The following TAF6L variants were observed in gnomAD, a reference collection of about 807,000 sequenced individuals.
TAF6L encodes TAF6-like RNA polymerase II p300/CBP-associated factor-associated factor 65 kDa subunit 6L.
TAF6L carries 34 observed loss-of-function variants against 57.3 expected under a neutral mutation model. The observed-to-expected ratio is 0.59, with a 90% CI of 0.45 to 0.79. TAF6L has a LOEUF of 0.79. Ranked by LOEUF, TAF6L falls within the 30% of genes least tolerant of loss-of-function variation. TAF6L has a pLI of 0.00. For missense variants in TAF6L, 782 were observed against 853.2 expected, an observed-to-expected ratio of 0.92 and a Z score of 1.04; for synonymous variants, 417 against 376.3, an observed-to-expected ratio of 1.11 and a Z score of -1.25.
At chr11:62,777,393 A>G (rs1166668143) in intron 3 of TAF6L, among the ~76,000 whole-genome samples, 3 of 152,226 alleles carry the variant, frequency 2.0e-5, no homozygotes, top group Non-Finnish European at 4.4e-5. Flanking sequence ...TAGCAACAGC[A>G]GACCAGGTGC....
chr11:62,782,350 A>AT lies in TAF6L; in HGVS notation c.827+17_827+18insT, dbSNP rs774340937. On this transcript the variant is annotated intron_variant, in intron 8 of 10. Transcript: ENST00000294168. ...CATCTTCTGGTAGCCACTGGGCCTA[A>AT]ACCTGCGGGTGGGATTGCTGCAGAG... 78 of 1,610,738 alleles carry AT rather than the reference A, an allele frequency of 4.8e-5. No individual in the cohort carries two copies. Among genetic ancestry groups the AT allele is most frequent in the Admixed American group, 1.7e-5 (1 of 59,832 alleles).
At chr11:62,779,976 A>ATATATATATATATATATATTTTTTTTTT (rs1294367864) in intron 6 of TAF6L, among the ~76,000 whole-genome samples, 1 of 52,630 alleles carries the variant, frequency 1.9e-5, no homozygotes, top group African/African-American at 7.7e-5. Context: ...ATATATATAT[A>ATATATATATATATATATATTTTTTTTTT]TTTTTTTTTT....
rs2084274884 is a variant in TAF6L, at chr11:62,786,309, T to C, written c.1010T>C (p.Leu337Ser). Residue 337 changes from leucine to serine, a missense_variant, in exon 10 of 11, where the codon TTG (leucine) becomes TCG (serine). By Grantham distance (145) the Leu-to-Ser change is moderately radical. Around this residue, in one of 3 missense-constraint regions of TAF6L, gnomAD observed 483 missense variants for 445.1 expected, o/e 1.09. Coordinates refer to ENST00000294168, the MANE Select transcript of TAF6L (RefSeq NM_006473.4). Reference protein sequence around the residue: ...YPHLSTYWTNLQAVLDDYSVS... With the variant: ...YPHLSTYWTNSQAVLDDYSVS... ...CACCTGTCCACCTACTGGACAAACT[T>C]GCAGGCTGTGCTGGATGATTATTCA... 6.2e-7 allele frequency: 1 copy of C among 1,614,004 alleles called. No homozygotes were observed.
rs532014327 is a variant in TAF6L at position 62,786,599 on chromosome 11, G to T, written c.1172G>T (p.Arg391Leu). ...GGCCCAGGTGGCAGGGGGTGCCGGC[G>T]CCTGGACGACCTGCCATGGGACAGC... ...RGGPGGRGCR[R>L]LDDLPWDSLL... is the part of the protein sequence containing the mutation. Residue 391 changes from arginine (R) to leucine (L), a missense_variant, in exon 11 of 11, where the codon CGC becomes CTC. Around this residue, in one of 3 missense-constraint regions of TAF6L, gnomAD observed 483 missense variants for 445.1 expected, o/e 1.09. Coordinates refer to ENST00000294168, the MANE Select transcript of TAF6L (RefSeq NM_006473.4). The T allele has an allele frequency of 8.2e-6, 13 of 1,583,032 alleles. No homozygotes were observed. The African/African-American group carries it at 1.5e-4, about 18-fold the overall frequency.
At chr11:62,781,720 T>C in intron 6 of TAF6L, 174 bp from the exon 7 acceptor site, 2 of 624,306 alleles carry the variant, frequency 3.2e-6, no homozygotes, top group East Asian at 3.0e-5. Context: ...TGCAGGTATA[T>C]GTGAATGAGT....
At chr11:62,777,880 C>G in intron 3 of TAF6L, 98 bp from the exon 4 acceptor site, 6 of 1,406,352 alleles carry the variant, frequency 4.3e-6, no homozygotes, top group Non-Finnish European at 5.8e-6. Context: ...TTCCTTCAAA[C>G]GTGGGCTCTC....
intron 9 of TAF6L, among the ~76,000 whole-genome samples, chr11:62,785,229 T>C (rs2134724504): frequency 6.6e-6 from 1 of 151,890 alleles, no homozygotes; most frequent in Non-Finnish European, 1.5e-5. Flanking sequence ...TCTCACACTG[T>C]CACCCAGGCT....
rs1180529493 is a variant in TAF6L at position 62,779,057 on chromosome 11, G to A, written c.531+94G>A. The A allele has an allele frequency of 2.6e-5, 28 of 1,088,012 alleles. No homozygotes were observed. In the Admixed American group the frequency reaches 5.7e-4, roughly 22 times the overall value. 67.4% of individuals were successfully genotyped at this position (1,088,012 alleles called of 1,614,324 possible). A position where few individuals can be genotyped will look rare whatever the true frequency, so the allele number is the denominator to read the frequency against. ...TTTTTTGAGACAGAGTTTCGCTCTT[G>A]TTGCCCAGGCTGGAGTGCAATGGCA... On this transcript the variant is annotated intron_variant, in intron 6 of 10. Coordinates refer to ENST00000294168, the MANE Select transcript of TAF6L (RefSeq NM_006473.4).
intron 6 of TAF6L, among the ~76,000 whole-genome samples, chr11:62,780,910 C>T (rs2084224240): frequency 7.1e-6 from 1 of 141,276 alleles, no homozygotes; most frequent in South Asian, 2.2e-4. Context: ...GCACTCCAGC[C>T]TGGGCAATAG....
intron 9 of TAF6L, among the ~76,000 whole-genome samples, 179 bp downstream of exon 9, chr11:62,783,004 G>A (rs765001679): frequency 3.9e-5 from 6 of 152,152 alleles, no homozygotes; most frequent in African/African-American, 7.2e-5. Flanking sequence ...TTATCCTTTC[G>A]AAAGTCCTAT....
chr11:62,780,109 A>G (rs1159211148), intron 6 of TAF6L, among the ~76,000 whole-genome samples: 1 of 150,048 alleles, frequency 6.7e-6, no homozygotes, highest in Admixed American at 6.6e-5. Context: ...ACTTGAAGTC[A>G]GGAGTTCGAG....
intron 1 of TAF6L, chr11:62,772,159 AT>A (rs750255735): frequency 3.9e-5 from 18 of 456,198 alleles, no homozygotes; most frequent in South Asian, 2.8e-4. Context: ...ATACATAATA[AT>A]ATCTTATTAT....
chr11:62,778,606 T>C lies in TAF6L; in HGVS notation c.437-263T>C, dbSNP rs2084204364. 4.9e-6 allele frequency: 3 copies of C among 614,134 alleles called. No homozygotes were observed. In the South Asian group the frequency reaches 5.9e-5, roughly 12 times the overall value. 38.0% of individuals were successfully genotyped at this position (614,134 alleles called of 1,614,324 possible). ...GCGGTGTTTCACCCCCAGGGTATGC[T>C]GAGCAGAGCTTCACAGAGCCTGAAG... On this transcript the variant is annotated intron_variant, in intron 5 of 10. Transcript: ENST00000294168.
chr11:62,781,873 A>T, intron 6 of TAF6L, 21 bp from the exon 7 acceptor site: 1 of 1,611,928 alleles, frequency 6.2e-7, no homozygotes, highest in Non-Finnish European at 8.5e-7. Flanking sequence ...GATCCAATGC[A>T]GTCTGGGCCC....
rs1565188953 is a variant in TAF6L at position 62,781,885 on chromosome 11, TC to T, written c.532-7del. Reference sequence around the variant, plus strand: ...GTGGATCCAATGCAGTCTGGGCCCTTCCTTTTAGGTTGCACTCCAGGACTTG... The same window carrying T: ...GTGGATCCAATGCAGTCTGGGCCCTTCTTTTAGGTTGCACTCCAGGACTTG... On this transcript the variant is annotated splice_polypyrimidine_tract_variant and splice_region_variant and intron_variant, in intron 6 of 10. Coordinates refer to ENST00000294168, the MANE Select transcript of TAF6L (RefSeq NM_006473.4). 1.2e-6 allele frequency: 2 copies of T among 1,614,048 alleles called. No individual in the cohort carries two copies. The highest frequency in any genetic ancestry group is 2.2e-5 in the South Asian group (2 of 91,052).
intron 8 of TAF6L, 126 bp downstream of exon 8, chr11:62,782,459 C>T (rs1335049961): frequency 3.6e-6 from 4 of 1,119,932 alleles, no homozygotes; most frequent in African/African-American, 3.1e-5. Flanking sequence ...TCCCTAGGAG[C>T]GTCCTAGCTG....
chr11:62,773,759 C>G (rs994581309), intron 1 of TAF6L, among the ~76,000 whole-genome samples: 8 of 151,992 alleles, frequency 5.3e-5, no homozygotes, highest in Non-Finnish European at 1.0e-4. Flanking sequence ...CAAATTCTTA[C>G]GACTGGTTTG....
Position 62,786,261 on chromosome 11 carries a change from C to T in TAF6L, c.962C>T (p.Ala321Val), listed in dbSNP as rs2134727718. The T allele has an allele frequency of 6.2e-7, 1 of 1,610,928 alleles. No individual in the cohort carries two copies. Among genetic ancestry groups the T allele is most frequent in the Admixed American group, 1.7e-5 (1 of 59,964 alleles). ...CTGTATTCCTTCTCTTCCTTCCAGGCAGTAGAACGAGTCCTGTACCCACAC... is the reference window on the plus strand; with the variant it reads ...CTGTATTCCTTCTCTTCCTTCCAGGTAGTAGAACGAGTCCTGTACCCACAC... ...VVGLHALGWK[A>V]VERVLYPHLS... The change falls in exon 10 of 11, where the codon GCA becomes GTA. Residue 321 changes from alanine (A) to valine (V), a missense_variant and splice_region_variant. Transcript: ENST00000294168.
intron 6 of TAF6L, 35 bp downstream of exon 6, chr11:62,778,998 GA>G (rs2084207615): frequency 7.5e-7 from 1 of 1,338,190 alleles, no homozygotes; most frequent in South Asian, 1.2e-5. Flanking sequence ...GCACAAAGTT[GA>G]AATTGTAAAT....
Sources: allele counts gnomAD v4.1 joint callset (sites outside exome capture counted in the v4.1 genomes callset), GRCh38; gene constraint gnomAD v4.1.1; regional missense constraint gnomAD v4.1.1; transcripts MANE v1.5; gene names NCBI Gene and HGNC (gene_info 2026-07-23, HGNC 2026-07-21).